The following FKBP15 variants were observed in gnomAD, a reference collection of about 807,000 sequenced individuals.
FKBP15 encodes FKBP prolyl isomerase family member 15.
FKBP15 carries 106 observed loss-of-function variants against 158.1 expected under a neutral mutation model. The ratio of observed to expected loss-of-function variants is 0.67; its 90% CI spans 0.57 to 0.79. The LOEUF (loss-of-function observed/expected upper bound fraction) is 0.79, where lower values mean the gene tolerates loss of function less well. Among genes scored for constraint, FKBP15 ranks in the 30% least tolerant of loss-of-function variants. The pLI, the probability that FKBP15 is intolerant of heterozygous loss-of-function variation, is 0.00. For missense variants in FKBP15, 1,287 were observed against 1,479.1 expected (o/e 0.87, Z 2.13); for synonymous variants, 547 against 548.6 (o/e 1.00, Z 0.04).
At position 113,169,353 on chromosome 9, in the gene FKBP15, T is replaced by C; in HGVS notation, c.3356A>G (p.Gln1119Arg). ...ALGPESPGEP[Q>R]PPQLKKDDVT... The stretch of plus-strand genomic sequence containing the variant: ...ATCATCTTTCTTGAGCTGTGGAGGC[T>C]GAGGCTCTCCTGGGCTTTCAGGCCC... Residue 1119 changes from glutamine to arginine, a missense_variant, in exon 26 of 28, where the codon CAG becomes CGG. Transcript: ENST00000238256. 2 of 1,614,066 alleles carry C rather than the reference T, an allele frequency of 1.2e-6. No individual in the cohort carries two copies. Among genetic ancestry groups the C allele is most frequent in the Non-Finnish European group, 1.7e-6 (2 of 1,179,902 alleles).
chr9:113,169,100 C>T (rs1409701694), intron 26 of FKBP15, 124 bp downstream of exon 26: 2 of 1,305,126 alleles, frequency 1.5e-6, no homozygotes, highest in Non-Finnish European at 2.0e-6. Flanking sequence ...ATTAATACAT[C>T]AACTAATGAA....
At chr9:113,186,640 G>A (rs1260508044) in intron 14 of FKBP15, 5 of 330,030 alleles carry the variant, frequency 1.5e-5, no homozygotes, top group Non-Finnish European at 1.1e-5. Flanking sequence ...TAATTAAGCA[G>A]GGATTCATTC....
chr9:113,167,682 C>T (rs10981662), intron 27 of FKBP15, among the ~76,000 whole-genome samples: 48,018 of 152,000 alleles, frequency 0.32, 7,759 homozygotes, highest in Non-Finnish European at 0.33. Flanking sequence ...ATATTTCTGT[C>T]CTTTAGATGG....
chr9:113,206,858 A>C (rs1220622826), intron 3 of FKBP15: 1 of 456,850 alleles, frequency 2.2e-6, no homozygotes, highest in Non-Finnish European at 3.9e-6. Context: ...CTGGGATTAC[A>C]GGAGTGCGCC....
At chr9:113,177,712 C>T (rs952990507) in intron 20 of FKBP15, among the ~76,000 whole-genome samples, 2 of 152,180 alleles carry the variant, frequency 1.3e-5, no homozygotes, top group Non-Finnish European at 2.9e-5. Flanking sequence ...TTTTAGTTCT[C>T]TATTAGGCAA....
chr9:113,188,553 G>T, intron 12 of FKBP15, 62 bp from the exon 13 acceptor site: 1 of 1,354,106 alleles, frequency 7.4e-7, no homozygotes. Flanking sequence ...GACTGAGGCT[G>T]ACTGTCTGCC....
intron 11 of FKBP15, among the ~76,000 whole-genome samples, chr9:113,191,260 T>C (rs918958696): frequency 6.6e-6 from 1 of 151,844 alleles, no homozygotes; most frequent in African/African-American, 2.4e-5. Context: ...GCAACTTCCA[T>C]TTCCCAGATT....
intron 2 of FKBP15, among the ~76,000 whole-genome samples, chr9:113,210,674 G>A (rs1489747146): frequency 2.0e-5 from 3 of 152,154 alleles, no homozygotes; most frequent in African/African-American, 7.2e-5. Context: ...TGAGGGTGTT[G>A]CCAAAGGAGA....
chr9:113,175,330 A>G (rs1830283572), intron 21 of FKBP15, among the ~76,000 whole-genome samples: 1 of 152,192 alleles, frequency 6.6e-6, no homozygotes, highest in Non-Finnish European at 1.5e-5. Context: ...TATAGTAATG[A>G]CAAACTGAAA....
At position 113,163,069 on chromosome 9, in the gene FKBP15, T is replaced by C; in HGVS notation, c.*3009A>G. On this transcript the variant is annotated 3_prime_UTR_variant, in exon 28 of 28. Transcript: ENST00000238256. ...TGAGCTGAAGCCAGCACTTGCTCCC[T>C]GGAGTTCGGAAGCCATTGCAGCAAC... The C allele has an allele frequency of 1.4e-6, 1 of 699,516 alleles. No homozygotes were observed. The highest frequency in any genetic ancestry group is 2.2e-6 in the Non-Finnish European group (1 of 450,734). The allele number at this position is 699,516 out of a possible 1,614,324, so 43.3% of individuals were successfully genotyped here. A position where few individuals can be genotyped will look rare whatever the true frequency, so the allele number is the denominator to read the frequency against.
intron 17 of FKBP15, 73 bp from the exon 18 acceptor site, chr9:113,183,918 G>T: frequency 9.4e-7 from 1 of 1,061,140 alleles, no homozygotes; most frequent in Non-Finnish European, 1.4e-6. Context: ...GAATCAACTT[G>T]AACTGACAGG....
At chr9:113,173,384 A>T in intron 23 of FKBP15, 69 bp downstream of exon 23, 1 of 1,536,206 alleles carries the variant, frequency 6.5e-7, no homozygotes, top group Middle Eastern at 1.7e-4. Context: ...GATCGACAGG[A>T]CTCAAACAGC....
intron 26 of FKBP15, 41 bp downstream of exon 26, chr9:113,169,183 A>G (rs959567136): frequency 6.4e-7 from 1 of 1,562,306 alleles, no homozygotes; most frequent in Non-Finnish European, 8.7e-7. Context: ...CTCACCACAG[A>G]TAACTACCCT....
In FKBP15 at chr9:113,183,793, T is replaced by C. The variant is rs1405286518; in HGVS notation, c.1769A>G (p.Glu590Gly). ...TAGTTCACTAATCTTGTCATTCTGT[T>C]CTTCTATCCGATTGCTCTTTTCAAG... ...EILEKSNRIE[E>G]QNDKISELIE... The change falls in exon 18 of 28, where the codon GAA (glutamate) becomes GGA (glycine). Residue 590 changes from glutamate (E) to glycine (G), a missense_variant. Coordinates refer to ENST00000238256, the MANE Select transcript of FKBP15 (RefSeq NM_015258.2). 2.5e-6 allele frequency: 4 copies of C among 1,613,732 alleles called. No individual in the cohort carries two copies. The South Asian group carries it at 4.4e-5, about 18-fold the overall frequency.
intron 11 of FKBP15, among the ~76,000 whole-genome samples, chr9:113,191,911 A>G (rs1830582159): frequency 6.6e-6 from 1 of 151,858 alleles, no homozygotes. Context: ...TAACTGTGCC[A>G]TATAAATGTA....
At chr9:113,211,148 A>T (rs1230022264) in intron 2 of FKBP15, among the ~76,000 whole-genome samples, 7 of 151,770 alleles carry the variant, frequency 4.6e-5, no homozygotes, top group Admixed American at 3.9e-4. Context: ...ACCCTAATAC[A>T]CTCTTGTTTT....
chr9:113,216,489 G>A (rs1403487479), intron 1 of FKBP15, among the ~76,000 whole-genome samples: 1 of 152,172 alleles, frequency 6.6e-6, no homozygotes, highest in African/African-American at 2.4e-5. Flanking sequence ...TTGAGTGAGA[G>A]CAGCGCTGGC....
Position 113,198,890 on chromosome 9 carries a change from G to T in FKBP15, c.682C>A (p.Leu228Ile). The change falls in exon 8 of 28, where the codon CTT (leucine) becomes ATT (isoleucine). Residue 228 changes from leucine (L) to isoleucine (I), a missense_variant. By Grantham distance (5) the Leu-to-Ile change is conservative (BLOSUM62 2). Coordinates refer to ENST00000238256, the MANE Select transcript of FKBP15 (RefSeq NM_015258.2). The surrounding 1 kb of genome is among the most constrained non-coding windows in gnomAD (Gnocchi z 5.2). ...TTTCCTGATCCTAACTTCAAGCGAAGCAACTTATCTTTGTTAGCAGTGGAG... is the reference window on the plus strand; with the variant it reads ...TTTCCTGATCCTAACTTCAAGCGAATCAACTTATCTTTGTTAGCAGTGGAG... ...FDSTANKDKL[L>I]RLKLGSGKVI... The T allele has an allele frequency of 6.2e-7, 1 of 1,606,140 alleles. No individual in the cohort carries two copies. The highest frequency in any genetic ancestry group is 8.5e-7 in the Non-Finnish European group (1 of 1,175,966).
Position 113,190,567 on chromosome 9 carries a change from T to C in FKBP15, c.1077A>G (p.Ala359=), listed in dbSNP as rs780102689. The change falls in exon 12 of 28, where the codon GCA becomes GCG. Residue 359 remains alanine (A), a synonymous_variant. Transcript: ENST00000238256. ...TCCGAGAGATCAACTTGGCTTTGAC[T>C]GCATCGGGACTCTAAAAAGAGAGGA... ...EQLAINTSPD[A]VKAKLISRMA... is the part of the protein sequence containing the mutation. 1 of 1,609,346 alleles carries C rather than the reference T, an allele frequency of 6.2e-7. No homozygotes were observed. Among genetic ancestry groups the C allele is most frequent in the East Asian group, 2.2e-5 (1 of 44,768 alleles).
Sources: allele counts gnomAD v4.1 joint callset (sites outside exome capture counted in the v4.1 genomes callset), GRCh38; gene constraint gnomAD v4.1.1; non-coding constraint Gnocchi (gnomAD v3.1); transcripts MANE v1.5; gene names NCBI Gene and HGNC (gene_info 2026-07-23, HGNC 2026-07-21).